Variants in ABTB2 observed in about 807,000 individuals in gnomAD.
ABTB2 encodes ankyrin repeat and BTB domain containing 2.
A neutral mutation model predicts 104.1 loss-of-function variants in ABTB2; 56 were observed. That is an observed-to-expected ratio of 0.54 (90% CI 0.43 to 0.67). The LOEUF (loss-of-function observed/expected upper bound fraction) is 0.67, where lower values mean the gene tolerates loss of function less well. Among genes scored for constraint, ABTB2 ranks in the 30% least tolerant of loss-of-function variants. ABTB2 has a pLI of 0.00. For synonymous variants in ABTB2, 606 were observed against 608.2 expected (o/e 1.00, Z 0.05); for missense variants, 1,279 against 1,407.7 (o/e 0.91, Z 1.46).
chr11:34,229,588 C>T (rs988375891), intron 1 of ABTB2, among the ~76,000 whole-genome samples: 10 of 151,962 alleles, frequency 6.6e-5, no homozygotes, highest in African/African-American at 9.7e-5. Flanking sequence ...ACAAAGGCCA[C>T]GGAAGAGGCA....
chr11:34,235,576 A>C (rs1458249609), intron 1 of ABTB2, among the ~76,000 whole-genome samples: 3 of 152,130 alleles, frequency 2.0e-5, no homozygotes, highest in Non-Finnish European at 4.4e-5. Flanking sequence ...GCCCCACAGG[A>C]AGGGGAGCGG....
At chr11:34,320,269 A>G (rs982500358) in intron 1 of ABTB2, among the ~76,000 whole-genome samples, 2 of 152,314 alleles carry the variant, frequency 1.3e-5, no homozygotes, top group African/African-American at 4.8e-5. Flanking sequence ...TGGCTTTGGA[A>G]GGCACTCAGG....
Position 34,282,906 on chromosome 11 carries a change from AGT to A in ABTB2, c.883+73793_883+73794del, listed in dbSNP as rs1854463833. ...ATGCATTAGTTATAAAATTTTAAAA[AGT>A]CTTTTTCTTTTTTTTTTTGAGATGG... On this transcript the variant is annotated intron_variant, in intron 1 of 16. Coordinates refer to ENST00000435224, the MANE Select transcript of ABTB2 (RefSeq NM_145804.3). 1.3e-5 allele frequency among the ~76,000 whole-genome samples: 2 copies of A among 150,170 alleles called. 1 individual carries two copies. The highest frequency in any genetic ancestry group is 4.0e-4 in the East Asian group (2 of 5,032).
At chr11:34,195,723 T>G (rs888130160) in intron 3 of ABTB2, among the ~76,000 whole-genome samples, 2 of 152,216 alleles carry the variant, frequency 1.3e-5, no homozygotes, top group East Asian at 3.8e-4. Flanking sequence ...TTCTTGGTAG[T>G]GTGTGAATTA....
intron 3 of ABTB2, among the ~76,000 whole-genome samples, chr11:34,174,607 G>C (rs1044097948): frequency 7.2e-5 from 11 of 152,216 alleles, no homozygotes; most frequent in African/African-American, 2.7e-4. Context: ...GGGGGGCGGG[G>C]ACGCGTTTCT....
intron 1 of ABTB2, among the ~76,000 whole-genome samples, chr11:34,308,951 T>C (rs1336837553): frequency 6.6e-6 from 1 of 151,718 alleles, no homozygotes; most frequent in African/African-American, 2.4e-5. Flanking sequence ...TCAAATGCTT[T>C]GGTCTCGAAG....
At chr11:34,317,119 T>C (rs1854942305) in intron 1 of ABTB2, among the ~76,000 whole-genome samples, 1 of 152,154 alleles carries the variant, frequency 6.6e-6, no homozygotes, top group Non-Finnish European at 1.5e-5. Flanking sequence ...GCAAGAACCC[T>C]TGGTACTTCA....
At chr11:34,256,281 A>G (rs1854121954) in intron 1 of ABTB2, among the ~76,000 whole-genome samples, 1 of 152,180 alleles carries the variant, frequency 6.6e-6, no homozygotes, top group African/African-American at 2.4e-5. Flanking sequence ...GCCACTAGTG[A>G]CCAGTGCAAT....
At chr11:34,331,313 T>G (rs955352276) in intron 1 of ABTB2, among the ~76,000 whole-genome samples, 4 of 151,918 alleles carry the variant, frequency 2.6e-5, no homozygotes, top group African/African-American at 9.7e-5. Flanking sequence ...GCGGAAAAAA[T>G]TAAAGCTTGA....
Position 34,357,915 on chromosome 11 carries a change from G to C in ABTB2, c.-332C>G, listed in dbSNP as rs988456560. 4 of 260,206 alleles carry C rather than the reference G, an allele frequency of 1.5e-5. No individual in the cohort carries two copies. Among genetic ancestry groups the C allele is most frequent in the South Asian group, 1.2e-4 (1 of 8,314 alleles). 16.1% of individuals were successfully genotyped at this position (260,206 alleles called of 1,614,324 possible). A position where few individuals can be genotyped will look rare whatever the true frequency, so the allele number is the denominator to read the frequency against. ...CAGAGAAGGAATCCCGGGAGAACAG[G>C]GCGGCGGCGGCAGAAGGAGGAGGCG... On this transcript the variant is annotated 5_prime_UTR_variant, in exon 1 of 17. Transcript: ENST00000435224.
chr11:34,266,759 C>T (rs1334344130), intron 1 of ABTB2, among the ~76,000 whole-genome samples: 1 of 152,102 alleles, frequency 6.6e-6, no homozygotes, highest in Non-Finnish European at 1.5e-5. Flanking sequence ...TTCTTCATTT[C>T]CCAGATCCCC....
intron 1 of ABTB2, among the ~76,000 whole-genome samples, chr11:34,290,402 G>T (rs2133092385): frequency 6.6e-6 from 1 of 152,296 alleles, no homozygotes; most frequent in East Asian, 1.9e-4. Context: ...AGTAACCCCA[G>T]GAAAATACTT....
intron 1 of ABTB2, among the ~76,000 whole-genome samples, chr11:34,208,797 A>G (rs1164452367): frequency 6.6e-6 from 1 of 151,706 alleles, no homozygotes; most frequent in African/African-American, 2.4e-5. Flanking sequence ...TCCACCTCCC[A>G]TCAACCACCA....
At chr11:34,265,323 G>A (rs1318685271) in intron 1 of ABTB2, among the ~76,000 whole-genome samples, 3 of 152,118 alleles carry the variant, frequency 2.0e-5, no homozygotes, top group Non-Finnish European at 2.9e-5. Context: ...AGTACCTTGC[G>A]GACACCATGG....
At chr11:34,166,587 C>T (rs1003211140) in intron 7 of ABTB2, among the ~76,000 whole-genome samples, 4 of 152,362 alleles carry the variant, frequency 2.6e-5, no homozygotes, top group Non-Finnish European at 4.4e-5. Context: ...TAGTGGGGAG[C>T]GAGGGTGTCA....
chr11:34,293,432 G>A (rs550495877), intron 1 of ABTB2, among the ~76,000 whole-genome samples: 1 of 152,240 alleles, frequency 6.6e-6, no homozygotes, highest in South Asian at 2.1e-4. Flanking sequence ...TGAAGAAGAG[G>A]CCCCAGGGTG....
intron 1 of ABTB2, among the ~76,000 whole-genome samples, chr11:34,308,681 C>T (rs1032703428): frequency 2.6e-5 from 4 of 151,834 alleles, no homozygotes; most frequent in Non-Finnish European, 1.5e-5. Flanking sequence ...ACCAGCCTGG[C>T]CAACATGGTG....
At chr11:34,192,790 C>T (rs1853196648) in intron 3 of ABTB2, among the ~76,000 whole-genome samples, 1 of 152,120 alleles carries the variant, frequency 6.6e-6, no homozygotes, top group Non-Finnish European at 1.5e-5. Context: ...CCTGGGGGAC[C>T]CCAAACCCTC....
chr11:34,226,369 T>C (rs916775837), intron 1 of ABTB2, among the ~76,000 whole-genome samples: 1 of 152,058 alleles, frequency 6.6e-6, no homozygotes, highest in African/African-American at 2.4e-5. Flanking sequence ...CCTATGGGAA[T>C]AGAAAGCAAA....
Sources: allele counts gnomAD v4.1 joint callset (sites outside exome capture counted in the v4.1 genomes callset), GRCh38; gene constraint gnomAD v4.1.1; transcripts MANE v1.5; gene names NCBI Gene and HGNC (gene_info 2026-07-23, HGNC 2026-07-21).